PPP1R14B: variants seen among roughly 807,000 people sequenced by gnomAD.
PPP1R14B encodes protein phosphatase 1 regulatory subunit 14B.
PPP1R14B carries 4 observed loss-of-function variants against 14.7 expected under a neutral mutation model. The observed-to-expected ratio is 0.27, with a 90% CI of 0.13 to 0.62. The LOEUF (loss-of-function observed/expected upper bound fraction) is 0.62, where lower values mean the gene tolerates loss of function less well. Ranked by LOEUF, PPP1R14B falls within the 20% of genes least tolerant of loss-of-function variation. The pLI is 0.85. For synonymous variants in PPP1R14B, 76 were observed against 87.3 expected (o/e 0.87, Z 0.72); for missense variants, 138 against 201.5 (o/e 0.68, Z 1.91).
chr11:64,246,101 T>C, intron 1 of PPP1R14B: 1 of 344,632 alleles, frequency 2.9e-6, no homozygotes, highest in Non-Finnish European at 5.4e-6. Flanking sequence ...TGAGACCTCC[T>C]GCCGCTGCCA....
At chr11:64,245,479 G>C (rs1046653278) in intron 1 of PPP1R14B, 192 bp from the exon 2 acceptor site, 4 of 316,592 alleles carry the variant, frequency 1.3e-5, no homozygotes, top group African/African-American at 1.1e-4. Context: ...AAGCGGGGTG[G>C]GGGGGGGAGC....
rs2030870878 is a variant in PPP1R14B, at chr11:64,246,205, G to C, written c.258+211C>G. Reference sequence around the variant, plus strand: ...GGCTTGACCTGGGGAGTGGCATGATGGGGGGCAGGGTCCGAGGCAACGGAG... The same window carrying C: ...GGCTTGACCTGGGGAGTGGCATGATCGGGGGCAGGGTCCGAGGCAACGGAG... On this transcript the variant is annotated intron_variant, in intron 1 of 3. Coordinates refer to ENST00000309318, the MANE Select transcript of PPP1R14B (RefSeq NM_138689.3). The C allele has an allele frequency of 9.6e-6, 6 of 626,030 alleles. No homozygotes were observed. The South Asian group carries it at 1.0e-4, about 11-fold the overall frequency. 38.8% of individuals were successfully genotyped at this position (626,030 alleles called of 1,614,324 possible).
Position 64,244,548 on chromosome 11 carries a change from A to G in PPP1R14B, c.*206T>C. 3 of 1,333,716 alleles carry G rather than the reference A, an allele frequency of 2.2e-6. No homozygotes were observed. The highest frequency in any genetic ancestry group is 3.0e-6 in the Non-Finnish European group (3 of 997,318). The allele number at this position is 1,333,716 out of a possible 1,614,324, so 82.6% of individuals were successfully genotyped here. A position where few individuals can be genotyped will look rare whatever the true frequency, so the allele number is the denominator to read the frequency against. The stretch of plus-strand genomic sequence containing the variant: ...GCCGCAGAGTCAATATAAAAACACA[A>G]AAAGTCCCATCAGTTTAATAACAAT... On this transcript the variant is annotated 3_prime_UTR_variant, in exon 4 of 4. Coordinates refer to ENST00000309318, the MANE Select transcript of PPP1R14B (RefSeq NM_138689.3).
At chr11:64,245,412 A>G in intron 1 of PPP1R14B, 125 bp from the exon 2 acceptor site, 1 of 723,024 alleles carries the variant, frequency 1.4e-6, no homozygotes, top group Non-Finnish European at 2.3e-6. Flanking sequence ...AGCAGACAGA[A>G]CAGCAGCTGC....
Position 64,246,698 on chromosome 11 carries a change from G to A in PPP1R14B, c.-25C>T. On this transcript the variant is annotated 5_prime_UTR_variant, in exon 1 of 4. Coordinates refer to ENST00000309318, the MANE Select transcript of PPP1R14B (RefSeq NM_138689.3). ...TGGCGGCCGCCGGGGCCACGTGCGA[G>A]CGTCGGGCCCCTCCCTGCGCCACCG... is the stretch of plus-strand genomic sequence containing the variant. 1 of 1,055,338 alleles carries A rather than the reference G, an allele frequency of 9.5e-7. No homozygotes were observed. The highest frequency in any genetic ancestry group is 1.1e-6 in the Non-Finnish European group (1 of 876,816). 65.4% of individuals were successfully genotyped at this position (1,055,338 alleles called of 1,614,324 possible).
chr11:64,245,306 A>C lies in PPP1R14B; in HGVS notation c.259-19T>G, dbSNP rs952343056. The C allele has an allele frequency of 3.4e-6, 4 of 1,186,630 alleles. No individual in the cohort carries two copies. The highest frequency in any genetic ancestry group is 5.0e-6 in the Non-Finnish European group (4 of 792,296). 73.5% of individuals were successfully genotyped at this position (1,186,630 alleles called of 1,614,324 possible). A position where few individuals can be genotyped will look rare whatever the true frequency, so the allele number is the denominator to read the frequency against. On this transcript the variant is annotated intron_variant, in intron 1 of 3. Transcript: ENST00000309318. Reference sequence around the variant, plus strand: ...CCTCTTCCTGGGGTGGGGGTGGGGGAGGAGGGAGAGACATAAGCCTGAGTT... The same window carrying C: ...CCTCTTCCTGGGGTGGGGGTGGGGGCGGAGGGAGAGACATAAGCCTGAGTT...
In PPP1R14B at chr11:64,245,227, C is replaced by T. The variant is rs1482892462; in HGVS notation, c.319G>A (p.Asp107Asn). The T allele has an allele frequency of 6.2e-6, 10 of 1,613,416 alleles. No homozygotes were observed. The highest frequency in any genetic ancestry group is 1.1e-5 in the South Asian group (1 of 91,054). Residue 107 changes from aspartate to asparagine, a missense_variant, in exon 2 of 4, where the codon GAT becomes AAT. Asp to Asn is a conservative substitution (Grantham distance 23). Around this residue, in one of 3 missense-constraint regions of PPP1R14B, gnomAD observed 84 missense variants for 137.5 expected, o/e 0.61. Transcript: ENST00000309318. Reference protein sequence around the residue: ...VDELLDMESDDARAARVKELL... With the variant: ...VDELLDMESDNARAARVKELL... ...ACCTTGACCCTGGCAGCCCGGGCAT[C>T]GTCACTCTCCATGTCCAGGAGCTCA...
At position 64,246,570 on chromosome 11, in the gene PPP1R14B, C is replaced by G. The variant is rs1307866763; in HGVS notation, c.104G>C (p.Gly35Ala). 17 of 1,604,270 alleles carry G rather than the reference C, an allele frequency of 1.1e-5. No individual in the cohort carries two copies. Among genetic ancestry groups the G allele is most frequent in the Admixed American group, 1.7e-5 (1 of 59,306 alleles). ...CCCGCCCGGGCCCTCTCCTGCGGCCCCGGGGGGGCTCTGAAAGTAGACGCG... is the reference window on the plus strand; with the variant it reads ...CCCGCCCGGGCCCTCTCCTGCGGCCGCGGGGGGGCTCTGAAAGTAGACGCG... ...GPRVYFQSPP[G>A]AAGEGPGGAD... Residue 35 changes from glycine to alanine, a missense_variant, in exon 1 of 4, where the codon GGG (glycine) becomes GCG (alanine). Gly to Ala is a moderately conservative substitution (Grantham distance 60). Transcript: ENST00000309318.
chr11:64,245,347 GA>G, intron 1 of PPP1R14B, 60 bp from the exon 2 acceptor site: 1 of 1,472,004 alleles, frequency 6.8e-7, no homozygotes, highest in Non-Finnish European at 9.4e-7. Context: ...GAGGGTGTGA[GA>G]GGGGCTCTGG....
Position 64,246,883 on chromosome 11 carries a change from C to A in PPP1R14B, c.-210G>T, listed in dbSNP as rs942978820. ...CCCGCCCCCTCCCCGCCGATCCGCC[C>A]GCCCTTTGTCCCCCGCGGCCGCCGC... is the stretch of plus-strand genomic sequence containing the variant. On this transcript the variant is annotated 5_prime_UTR_variant, in exon 1 of 4. Transcript: ENST00000309318. 2 of 211,136 alleles carry A rather than the reference C, an allele frequency of 9.5e-6. No individual in the cohort carries two copies. The highest frequency in any genetic ancestry group is 1.6e-5 in the Non-Finnish European group (2 of 123,832). 13.1% of individuals were successfully genotyped at this position (211,136 alleles called of 1,614,324 possible). A position where few individuals can be genotyped will look rare whatever the true frequency, so the allele number is the denominator to read the frequency against.
chr11:64,246,398 C>A lies in PPP1R14B; in HGVS notation c.258+18G>T. 6.3e-7 allele frequency: 1 copy of A among 1,599,096 alleles called. No homozygotes were observed. Among genetic ancestry groups the A allele is most frequent in the Non-Finnish European group, 8.5e-7 (1 of 1,173,924 alleles). ...CGCGAGACCGATTTTGGGGTGTCGGCGCGGGGTGGGAACACACCTGGCAGT... is the reference window on the plus strand; with the variant it reads ...CGCGAGACCGATTTTGGGGTGTCGGAGCGGGGTGGGAACACACCTGGCAGT... On this transcript the variant is annotated intron_variant, in intron 1 of 3. Coordinates refer to ENST00000309318, the MANE Select transcript of PPP1R14B (RefSeq NM_138689.3).
chr11:64,246,649 C>T lies in PPP1R14B; in HGVS notation c.25G>A (p.Gly9Ser). The change falls in exon 1 of 4, where the codon GGC becomes AGC. Residue 9 changes from glycine (G) to serine (S), a missense_variant. Physicochemically the swap from Gly to Ser is moderately conservative, Grantham distance 56. This residue lies in a region of PPP1R14B where 22 missense variants were observed against 45.9 expected (regional missense o/e 0.48). Coordinates refer to ENST00000309318, the MANE Select transcript of PPP1R14B (RefSeq NM_138689.3). ...GGGGCCGGGGCCGCCAACGCCGCGC[C>T]CCCCGCGGTGCCGCTGTCCGCCATG... is the stretch of plus-strand genomic sequence containing the variant. The part of the protein sequence containing the change: MADSGTAG[G>S]AALAAPAPGP... 8.1e-7 allele frequency: 1 copy of T among 1,240,198 alleles called. No homozygotes were observed. The highest frequency in any genetic ancestry group is 1.0e-6 in the Non-Finnish European group (1 of 986,756). 76.8% of individuals were successfully genotyped at this position (1,240,198 alleles called of 1,614,324 possible).
intron 1 of PPP1R14B, 112 bp downstream of exon 1, chr11:64,246,304 G>A: frequency 7.1e-7 from 1 of 1,418,372 alleles, no homozygotes. Context: ...AGGGGAGCGC[G>A]CGGGGAAGCA....
chr11:64,245,954 G>T (rs1211782288), intron 1 of PPP1R14B: 1 of 161,554 alleles, frequency 6.2e-6, no homozygotes. Context: ...GGGTGGAGAA[G>T]CAGAGCCCAG....
In PPP1R14B at chr11:64,246,839, G is replaced by A. The variant is rs934132966; in HGVS notation, c.-166C>T. 2 of 427,818 alleles carry A rather than the reference G, an allele frequency of 4.7e-6. No individual in the cohort carries two copies. The highest frequency in any genetic ancestry group is 9.7e-5 in the South Asian group (1 of 10,338). The allele number at this position is 427,818 out of a possible 1,614,324, so 26.5% of individuals were successfully genotyped here. A position where few individuals can be genotyped will look rare whatever the true frequency, so the allele number is the denominator to read the frequency against. On this transcript the variant is annotated 5_prime_UTR_variant, in exon 1 of 4. Coordinates refer to ENST00000309318, the MANE Select transcript of PPP1R14B (RefSeq NM_138689.3). ...GGCAGCTGCAGCATGCGGAGCCCCC[G>A]GGCTTGGCCTGGCCGCGCCCCGCCC...
In PPP1R14B at chr11:64,246,703, G is replaced by A. The variant is rs1591091520; in HGVS notation, c.-30C>T. On this transcript the variant is annotated 5_prime_UTR_variant, in exon 1 of 4. Coordinates refer to ENST00000309318, the MANE Select transcript of PPP1R14B (RefSeq NM_138689.3). ...GCCGCCGGGGCCACGTGCGAGCGTC[G>A]GGCCCCTCCCTGCGCCACCGCCTCC... 4.8e-6 allele frequency: 5 copies of A among 1,041,976 alleles called. No homozygotes were observed. The highest frequency in any genetic ancestry group is 8.4e-5 in the East Asian group (1 of 11,970). 64.5% of individuals were successfully genotyped at this position (1,041,976 alleles called of 1,614,324 possible).
chr11:64,245,293 G>A lies in PPP1R14B; in HGVS notation c.259-6C>T, dbSNP rs762607772. 3 of 1,606,586 alleles carry A rather than the reference G, an allele frequency of 1.9e-6. No homozygotes were observed. The highest frequency in any genetic ancestry group is 2.6e-6 in the Non-Finnish European group (3 of 1,173,666). On this transcript the variant is annotated splice_region_variant and splice_polypyrimidine_tract_variant and intron_variant, in intron 1 of 3. Coordinates refer to ENST00000309318, the MANE Select transcript of PPP1R14B (RefSeq NM_138689.3). ...AGTTCTGGGATCTCCTCTTCCTGGG[G>A]TGGGGGTGGGGGAGGAGGGAGAGAC...
rs1440893686 is a variant in PPP1R14B at position 64,246,416 on chromosome 11, C to T, written c.258G>A (p.Gln86=). The T allele has an allele frequency of 6.2e-7, 1 of 1,607,088 alleles. No individual in the cohort carries two copies. Among genetic ancestry groups the T allele is most frequent in the Admixed American group, 1.7e-5 (1 of 59,478 alleles). The change falls in exon 1 of 4, where the codon CAG becomes CAA. Residue 86 remains glutamine, a splice_region_variant and synonymous_variant. Transcript: ENST00000309318. ...LEQLTRLYDC[Q]EEEIPELEID... is the part of the protein sequence containing the mutation. ...GTGTCGGCGCGGGGTGGGAACACAC[C>T]TGGCAGTCGTAGAGGCGCGTGAGCT...
At chr11:64,245,426 G>A (rs1273890812) in intron 1 of PPP1R14B, 139 bp from the exon 2 acceptor site, 1 of 699,126 alleles carries the variant, frequency 1.4e-6, no homozygotes, top group Non-Finnish European at 2.4e-6. Flanking sequence ...CAGCTGCTCT[G>A]GGGAGGAAAA....
Sources: allele counts gnomAD v4.1 joint callset, GRCh38; gene constraint gnomAD v4.1.1; regional missense constraint gnomAD v4.1.1; transcripts MANE v1.5; gene names NCBI Gene and HGNC (gene_info 2026-07-23, HGNC 2026-07-21).